The following TMEM232 variants were observed in gnomAD, a reference collection of about 807,000 sequenced individuals.
TMEM232 encodes transmembrane protein 232.
TMEM232 carries 80 observed loss-of-function variants against 78.8 expected under a neutral mutation model. The ratio of observed to expected loss-of-function variants is 1.01; its 90% CI spans 0.85 to 1.22. TMEM232 has a LOEUF of 1.22. Ranked by LOEUF, TMEM232 falls within the 50% of genes most tolerant of loss-of-function variation. TMEM232 has a pLI of 0.00. For synonymous variants in TMEM232, 297 were observed against 254.3 expected (o/e 1.17, Z -1.60); for missense variants, 881 against 742.2 (o/e 1.19, Z -2.17).
At chr5:110,391,326 T>TGTGTGTGTGAGAGAGAGAGAGAGAGA (rs549361387) in intron 3 of TMEM232, among the ~76,000 whole-genome samples, 36 of 139,916 alleles carry the variant, frequency 2.6e-4, no homozygotes, top group South Asian at 1.1e-3. Context: ...TGTGTGTGTG[T>TGTGTGTGTGAGAGAGAGAGAGAGAGA]GAGAGAGAGA....
At chr5:110,537,500 C>T (rs1215731269) in intron 11 of TMEM232, among the ~76,000 whole-genome samples, 1 of 152,110 alleles carries the variant, frequency 6.6e-6, no homozygotes, top group African/African-American at 2.4e-5. Context: ...AGAACCAGCC[C>T]CCCAAGGGAA....
At chr5:110,463,984 A>G (rs1237858383) in intron 12 of TMEM232, among the ~76,000 whole-genome samples, 4 of 152,162 alleles carry the variant, frequency 2.6e-5, no homozygotes, top group African/African-American at 9.7e-5. Context: ...AGGTATTCAC[A>G]TGGCTGTCTC....
intron 7 of TMEM232, among the ~76,000 whole-genome samples, chr5:110,622,992 T>TAATA (rs146087253): frequency 0.047 from 6,942 of 148,974 alleles, 172 homozygotes; most frequent in Non-Finnish European, 0.05. Context: ...TAAAGTATAA[T>TAATA]AATAAATAAA....
intron 3 of TMEM232, among the ~76,000 whole-genome samples, chr5:110,392,761 T>C (rs574771720): frequency 3.3e-4 from 50 of 152,268 alleles, no homozygotes; most frequent in African/African-American, 1.2e-3. Context: ...ATTCAAAATA[T>C]GAATTTCAAG....
chr5:110,455,616 T>C (rs554540571), intron 12 of TMEM232, among the ~76,000 whole-genome samples: 1 of 151,802 alleles, frequency 6.6e-6, no homozygotes, highest in Admixed American at 6.6e-5. Flanking sequence ...CTGACCTCGT[T>C]ATCCACCCGC....
intron 11 of TMEM232, among the ~76,000 whole-genome samples, chr5:110,557,157 T>A (rs931064196): frequency 6.6e-6 from 1 of 152,214 alleles, no homozygotes; most frequent in Non-Finnish European, 1.5e-5. Flanking sequence ...CAGCTTGATC[T>A]GTTTTGCTGT....
chr5:110,633,409 G>T (rs1261909079), intron 5 of TMEM232, among the ~76,000 whole-genome samples: 1 of 152,002 alleles, frequency 6.6e-6, no homozygotes, highest in Non-Finnish European at 1.5e-5. Context: ...AAGAAGACAA[G>T]AATACACAAA....
chr5:110,458,924 G>A (rs73220733), intron 12 of TMEM232, among the ~76,000 whole-genome samples: 1 of 151,852 alleles, frequency 6.6e-6, no homozygotes, highest in East Asian at 1.9e-4. Flanking sequence ...ACATTATAGT[G>A]GTATTCTACT....
chr5:110,703,749 A>G (rs1472413105), intron 1 of TMEM232, among the ~76,000 whole-genome samples: 1 of 152,084 alleles, frequency 6.6e-6, no homozygotes, highest in Non-Finnish European at 1.5e-5. Context: ...TTTGTGGGAC[A>G]GATAGTTCTC....
At position 110,678,761 on chromosome 5, in the gene TMEM232, T is replaced by C. The variant is rs374753541; in HGVS notation, c.-12-11397A>G. 2.6e-5 allele frequency among the ~76,000 whole-genome samples: 4 copies of C among 152,138 alleles called. No homozygotes were observed. In the East Asian group the frequency reaches 5.8e-4, roughly 22 times the overall value. ...GTTTTGCCTTTTCCAGAATGTCTTATAGTTTGAATTAAACACTATGTAGCC... is the reference window on the plus strand; with the variant it reads ...GTTTTGCCTTTTCCAGAATGTCTTACAGTTTGAATTAAACACTATGTAGCC... On this transcript the variant is annotated intron_variant, in intron 1 of 13. Coordinates refer to ENST00000455884, the MANE Select transcript of TMEM232 (RefSeq NM_001039763.4).
intron 10 of TMEM232, among the ~76,000 whole-genome samples, chr5:110,592,382 TCAAAA>T (rs574925681): frequency 1.4e-4 from 22 of 152,128 alleles, no homozygotes; most frequent in Non-Finnish European, 3.2e-4. Context: ...ATTGAGCATT[TCAAAA>T]TAGAATCATC....
At chr5:110,548,175 T>G (rs1774013799) in intron 11 of TMEM232, among the ~76,000 whole-genome samples, 1 of 151,356 alleles carries the variant, frequency 6.6e-6, no homozygotes, top group Admixed American at 6.6e-5. Context: ...AAGAAACTTT[T>G]AAATATGTGG....
At chr5:110,718,482 T>G (rs184446182) in intron 1 of TMEM232, among the ~76,000 whole-genome samples, 1 of 152,262 alleles carries the variant, frequency 6.6e-6, no homozygotes, top group East Asian at 1.9e-4. Flanking sequence ...TTATGTTCTT[T>G]GTATGTGATG....
chr5:110,552,613 T>C (rs1774605672), intron 11 of TMEM232, among the ~76,000 whole-genome samples: 1 of 152,246 alleles, frequency 6.6e-6, no homozygotes, highest in Admixed American at 6.5e-5. Flanking sequence ...CAGGCTTTAA[T>C]ATAAGAAGCA....
At chr5:110,705,700 A>G (rs1337400400) in intron 1 of TMEM232, among the ~76,000 whole-genome samples, 1 of 117,794 alleles carries the variant, frequency 8.5e-6, no homozygotes, top group Non-Finnish European at 1.8e-5. Context: ...TATACAGTAT[A>G]TGTGTGTGTA....
At chr5:110,640,741 A>C (rs936634867) in intron 4 of TMEM232, 150 bp downstream of exon 4, 1 of 436,946 alleles carries the variant, frequency 2.3e-6, no homozygotes, top group Non-Finnish European at 3.9e-6. Context: ...CAAAATTACA[A>C]AATGAATTTT....
At chr5:110,631,288 C>T (rs1207486797) in intron 5 of TMEM232, among the ~76,000 whole-genome samples, 3 of 152,166 alleles carry the variant, frequency 2.0e-5, no homozygotes, top group Admixed American at 1.3e-4. Flanking sequence ...TGAGAGCTTC[C>T]TGTCTGAGGC....
At chr5:110,497,472 GAAAC>G (rs1021179142) in intron 12 of TMEM232, among the ~76,000 whole-genome samples, 8 of 151,968 alleles carry the variant, frequency 5.3e-5, no homozygotes, top group Non-Finnish European at 7.4e-5. Flanking sequence ...ACCAGTGATG[GAAAC>G]AAACAAACAA....
chr5:110,706,262 T>G (rs1296658409), intron 1 of TMEM232, among the ~76,000 whole-genome samples: 1 of 152,100 alleles, frequency 6.6e-6, no homozygotes, highest in Non-Finnish European at 1.5e-5. Context: ...AAGGAAAAAT[T>G]TATCTGATTA....
Sources: gnomAD v4.1 joint callset for allele counts (sites outside exome capture counted in the v4.1 genomes callset) on GRCh38, gnomAD v4.1.1 for gene constraint, MANE v1.5 for transcripts, NCBI Gene and HGNC (gene_info 2026-07-23, HGNC 2026-07-21) for gene names.